SYCP2: variants seen among roughly 807,000 people sequenced by gnomAD.
SYCP2 encodes synaptonemal complex lateral element protein.
A neutral mutation model predicts 211.3 loss-of-function variants in SYCP2; 55 were observed. The observed-to-expected ratio is 0.26, with a 90% CI of 0.21 to 0.33. The LOEUF (loss-of-function observed/expected upper bound fraction) is 0.33, where lower values mean the gene tolerates loss of function less well. Ranked by LOEUF, SYCP2 falls within the 10% of genes least tolerant of loss-of-function variation. The probability of loss-of-function intolerance (pLI) is 1.00; values close to 1 mark genes in which losing one functional copy is unlikely to be tolerated. For synonymous variants in SYCP2, 570 were observed against 555.2 expected (o/e 1.03, Z -0.37); for missense variants, 1,731 against 1,752.0 (o/e 0.99, Z 0.21).
At chr20:59,921,821 C>A (rs568251723) in intron 3 of SYCP2, among the ~76,000 whole-genome samples, 1 of 151,242 alleles carries the variant, frequency 6.6e-6, no homozygotes, top group Non-Finnish European at 1.5e-5. Context: ...AATCTCTTAA[C>A]GGGGTTGAAA....
At chr20:59,913,090 T>G (rs1381133787) in intron 12 of SYCP2, among the ~76,000 whole-genome samples, 2 of 152,250 alleles carry the variant, frequency 1.3e-5, no homozygotes, top group African/African-American at 4.8e-5. Flanking sequence ...CTAACTTAGC[T>G]TATTGTTTCC....
intron 33 of SYCP2, among the ~76,000 whole-genome samples, chr20:59,876,342 G>T (rs537792916): frequency 9.1e-6 from 1 of 109,658 alleles, no homozygotes; most frequent in East Asian, 3.1e-4. Flanking sequence ...CTGCACTCCA[G>T]CCTGGTGACA....
chr20:59,911,213 T>C (rs1469350138), intron 14 of SYCP2, among the ~76,000 whole-genome samples: 1 of 152,140 alleles, frequency 6.6e-6, no homozygotes, highest in Non-Finnish European at 1.5e-5. Context: ...GCTCAAGGAT[T>C]TTCCTCAGGT....
chr20:59,931,447 G>A (rs992940077), intron 2 of SYCP2, among the ~76,000 whole-genome samples: 1 of 152,002 alleles, frequency 6.6e-6, no homozygotes, highest in African/African-American at 2.4e-5. Flanking sequence ...TGCAGTGAAG[G>A]TGTATTTGTG....
At chr20:59,931,301 A>C (rs374669357) in intron 2 of SYCP2, among the ~76,000 whole-genome samples, 30 of 152,308 alleles carry the variant, frequency 2.0e-4, no homozygotes, top group African/African-American at 6.5e-4. Context: ...GCTGTGGTCT[A>C]GCTAATCAGG....
Position 59,921,533 on chromosome 20 carries a change from G to A in SYCP2, c.25-80C>T, listed in dbSNP as rs78066744. 3,231 of 1,015,880 alleles carry A rather than the reference G, an allele frequency of 3.2e-3. 85 individuals carry two copies. The African/African-American group carries it at 0.048, about 15-fold the overall frequency. The allele number at this position is 1,015,880 out of a possible 1,614,324, so 62.9% of individuals were successfully genotyped here. Reference sequence around the variant, plus strand: ...TATGCAATCTAGTAATTTGAGAACCGTTTTCACATGAAAACTCTCAAATGA... The same window carrying A: ...TATGCAATCTAGTAATTTGAGAACCATTTTCACATGAAAACTCTCAAATGA... On this transcript the variant is annotated intron_variant, in intron 3 of 44. Transcript: ENST00000357552.
chr20:59,919,680 C>A (rs372369270), intron 5 of SYCP2, 83 bp from the exon 6 acceptor site: 6 of 796,852 alleles, frequency 7.5e-6, no homozygotes, highest in Admixed American at 3.0e-5. Context: ...AACAGTAAAC[C>A]TAGGAATAAA....
In SYCP2 at chr20:59,865,496, C is replaced by G. The variant is rs190763438; in HGVS notation, c.4459-52G>C. On this transcript the variant is annotated intron_variant, in intron 43 of 44. Transcript: ENST00000357552. ...CATGAAATTTACCATAAAGTTTTCA[C>G]AGCAAAGACAAAGTTACATTAACAA... 1.0e-3 allele frequency: 1,633 copies of G among 1,582,492 alleles called. 6 individuals carry two copies. The highest frequency in any genetic ancestry group is 1.3e-3 in the Non-Finnish European group (1,530 of 1,160,642).
At chr20:59,872,647 C>T (rs886563669) in intron 35 of SYCP2, among the ~76,000 whole-genome samples, 8 of 151,968 alleles carry the variant, frequency 5.3e-5, no homozygotes, top group East Asian at 1.9e-4. Context: ...GGTCTTGGAA[C>T]GTATTCCCTG....
intron 1 of SYCP2, among the ~76,000 whole-genome samples, chr20:59,932,789 G>A (rs942697558): frequency 1.3e-5 from 2 of 152,194 alleles, no homozygotes; most frequent in African/African-American, 4.8e-5. Context: ...TTGAGCCGCC[G>A]CGGGACGCAT....
chr20:59,893,940 G>T (rs2059958289), intron 20 of SYCP2, among the ~76,000 whole-genome samples: 1 of 151,872 alleles, frequency 6.6e-6, no homozygotes, highest in Admixed American at 6.6e-5. Context: ...TATCTATTTT[G>T]ATATGGTCCA....
chr20:59,919,273 G>A (rs2060496559), intron 6 of SYCP2, 91 bp from the exon 7 acceptor site: 3 of 735,302 alleles, frequency 4.1e-6, no homozygotes, highest in Admixed American at 2.7e-5. Flanking sequence ...GTATTGAAAT[G>A]ACAGATTACA....
chr20:59,919,622 G>T (rs1382079882), intron 5 of SYCP2, 25 bp from the exon 6 acceptor site: 2 of 1,399,536 alleles, frequency 1.4e-6, no homozygotes, highest in South Asian at 2.4e-5. Flanking sequence ...GAACTTATTA[G>T]AGTTCCATTT....
intron 28 of SYCP2, 57 bp from the exon 29 acceptor site, chr20:59,881,549 AAAGG>A: frequency 1.2e-6 from 1 of 853,878 alleles, no homozygotes; most frequent in South Asian, 1.9e-5. Flanking sequence ...AAAAAGATTA[AAAGG>A]AATAAACATA....
chr20:59,894,358 T>G (rs1244579904), intron 20 of SYCP2, among the ~76,000 whole-genome samples: 1 of 151,974 alleles, frequency 6.6e-6, no homozygotes, highest in Non-Finnish European at 1.5e-5. Flanking sequence ...TCCTACAACA[T>G]TTAGGACCAT....
intron 13 of SYCP2, 175 bp from the exon 14 acceptor site, chr20:59,912,020 T>TTC (rs1283888613): frequency 9.1e-6 from 4 of 437,826 alleles, no homozygotes; most frequent in African/African-American, 4.1e-5. Flanking sequence ...AAATGCTACT[T>TTC]TAATATTTTA....
At chr20:59,919,977 T>C (rs2060510951) in intron 5 of SYCP2, among the ~76,000 whole-genome samples, 1 of 151,728 alleles carries the variant, frequency 6.6e-6, no homozygotes, top group Non-Finnish European at 1.5e-5. Context: ...TTTGAGTACA[T>C]ACATCTCAGA....
chr20:59,931,871 A>T (rs2060750355), intron 2 of SYCP2, among the ~76,000 whole-genome samples, 191 bp downstream of exon 2: 1 of 152,234 alleles, frequency 6.6e-6, no homozygotes, highest in South Asian at 2.1e-4. Flanking sequence ...ACTATCCACA[A>T]CATCAAACAA....
intron 14 of SYCP2, among the ~76,000 whole-genome samples, chr20:59,909,748 T>C (rs2060280598): frequency 6.6e-6 from 1 of 152,224 alleles, no homozygotes; most frequent in South Asian, 2.1e-4. Context: ...AGCCACTGAA[T>C]AGCTATAAAC....
Sources: gnomAD v4.1 joint callset for allele counts (sites outside exome capture counted in the v4.1 genomes callset) on GRCh38, gnomAD v4.1.1 for gene constraint, MANE v1.5 for transcripts, NCBI Gene and HGNC (gene_info 2026-07-23, HGNC 2026-07-21) for gene names.